The following PARN variants were observed in gnomAD, a reference collection of about 807,000 sequenced individuals.
PARN encodes the protein poly(A)-specific ribonuclease PARN.
PARN carries 71 observed loss-of-function variants against 102.8 expected under a neutral mutation model. That is an observed-to-expected ratio of 0.69 (90% confidence interval 0.57 to 0.84). The LOEUF (loss-of-function observed/expected upper bound fraction) is 0.84. Among genes scored for constraint, PARN ranks in the 40% least tolerant of loss-of-function variants. The probability of loss-of-function intolerance (pLI) is 0.00; values close to 1 mark genes in which losing one functional copy is unlikely to be tolerated. For synonymous variants in PARN, 261 were observed against 252.9 expected, an observed-to-expected ratio of 1.03 and a Z score of -0.30; for missense variants, 782 against 760.9, an observed-to-expected ratio of 1.03 and a Z score of -0.33.
intron 22 of PARN, among the ~76,000 whole-genome samples, chr16:14,461,608 TA>T (rs1277578109): frequency 6.6e-6 from 1 of 152,258 alleles, no homozygotes; most frequent in Non-Finnish European, 1.5e-5. Context: ...TTTATGCTGA[TA>T]AGTTGCCTTC....
intron 21 of PARN, among the ~76,000 whole-genome samples, chr16:14,531,361 C>CAA (rs113584468): frequency 3.4e-4 from 47 of 139,192 alleles, no homozygotes; most frequent in East Asian, 1.1e-3. Flanking sequence ...GACTCCATCT[C>CAA]AAAAAAAAAA....
chr16:14,626,565 A>G (rs1256507884), intron 5 of PARN, among the ~76,000 whole-genome samples: 2 of 151,902 alleles, frequency 1.3e-5, no homozygotes, highest in Non-Finnish European at 2.9e-5. Flanking sequence ...ACTAAACCTC[A>G]TGTTCTCATA....
chr16:14,610,081 A>G lies in PARN; in HGVS notation c.554+563T>C, dbSNP rs1045320757. Among the ~76,000 whole-genome samples, 6 of 152,192 alleles carry G rather than the reference A, an allele frequency of 3.9e-5. No homozygotes were observed. The East Asian group carries it at 1.2e-3, about 29-fold the overall frequency. ...ATAAAATAAAATAAAAAATCCACGC[A>G]GGTCTGACCACGTACTGAAATCTCT... On this transcript the variant is annotated intron_variant, in intron 7 of 23. Transcript: ENST00000437198.
intron 21 of PARN, among the ~76,000 whole-genome samples, chr16:14,546,443 A>G (rs981869356): frequency 4.6e-5 from 7 of 152,220 alleles, no homozygotes; most frequent in African/African-American, 1.7e-4. Context: ...TATTTTATTT[A>G]TAATTACTGG....
chr16:14,466,807 G>GTATA (rs200473883), intron 22 of PARN, among the ~76,000 whole-genome samples: 2 of 146,818 alleles, frequency 1.4e-5, no homozygotes, highest in Non-Finnish European at 3.0e-5. Context: ...TCTTAACCCT[G>GTATA]TATGTTTCTG....
At chr16:14,533,988 G>A (rs762813876) in intron 21 of PARN, among the ~76,000 whole-genome samples, 3 of 152,164 alleles carry the variant, frequency 2.0e-5, no homozygotes, top group Non-Finnish European at 4.4e-5. Flanking sequence ...TTGGGAGGCT[G>A]AGGCAGGCAA....
intron 13 of PARN, among the ~76,000 whole-genome samples, chr16:14,590,634 CA>C (rs966183881): frequency 0.085 from 5,420 of 63,534 alleles, 91 homozygotes; most frequent in African/African-American, 0.11. Flanking sequence ...GATTCAGTCT[CA>C]AAAAAAAAAA....
chr16:14,582,332 T>A, intron 16 of PARN, 41 bp from the exon 17 acceptor site: 2 of 1,311,442 alleles, frequency 1.5e-6, no homozygotes, highest in South Asian at 1.2e-5. Context: ...AAACAAAGAC[T>A]AGTAAGCACA....
At chr16:14,626,470 G>A (rs944490560) in intron 5 of PARN, among the ~76,000 whole-genome samples, 1 of 152,192 alleles carries the variant, frequency 6.6e-6, no homozygotes, top group Non-Finnish European at 1.5e-5. Context: ...AAGTCTTGAT[G>A]TGTAGGTGGT....
chr16:14,582,041 G>T, intron 17 of PARN, 140 bp downstream of exon 17: 1 of 670,714 alleles, frequency 1.5e-6, no homozygotes. Context: ...GGACTTTCCA[G>T]CCTCCTGAAC....
chr16:14,629,662 T>C lies in PARN; in HGVS notation c.32A>G (p.Asn11Ser), dbSNP rs754141670. The change falls in exon 2 of 24, where the codon AAT becomes AGT. Residue 11 changes from asparagine to serine, a missense_variant. By Grantham distance (46) the Asn-to-Ser change is conservative. Transcript: ENST00000437198. ...TATGGCCTGGTACACTTTGTGAAGA[T>C]TACTCTTAAAATCTGCGGAGAAACC... is the stretch of plus-strand genomic sequence containing the variant. MEIIRSNFKSNLHKVYQAIEE... is the reference protein window; with the variant it reads MEIIRSNFKSSLHKVYQAIEE... The C allele has an allele frequency of 7.4e-6, 12 of 1,612,536 alleles. No individual in the cohort carries two copies. The Admixed American group carries it at 8.3e-5, about 11-fold the overall frequency.
intron 22 of PARN, among the ~76,000 whole-genome samples, chr16:14,453,597 A>T (rs1961559429): frequency 6.6e-6 from 1 of 152,222 alleles, no homozygotes; most frequent in South Asian, 2.1e-4. Context: ...GTCACTCTGC[A>T]CTCAATCCAC....
rs1446397041 is a variant in PARN at position 14,617,594 on chromosome 16, T to A, written c.384A>T (p.Arg128=). The A allele has an allele frequency of 6.6e-7, 1 of 1,521,602 alleles. No homozygotes were observed. The highest frequency in any genetic ancestry group is 2.2e-5 in the East Asian group (1 of 44,472). The allele number at this position is 1,521,602 out of a possible 1,614,324, so 94.3% of individuals were successfully genotyped here. A position where few individuals can be genotyped will look rare whatever the true frequency, so the allele number is the denominator to read the frequency against. The part of the protein sequence containing the change: ...SQGFDFNKVF[R]NGIPYLNQEE... ...ATAGGTTACCCATAATCTTACCATT[T>A]CGAAAAACTTTATTAAAATCAAATC... Residue 128 remains arginine, a synonymous_variant, in exon 6 of 24, where the codon CGA becomes CGT. Transcript: ENST00000437198.
At chr16:14,562,667 TACTC>T (rs1432389775) in intron 18 of PARN, among the ~76,000 whole-genome samples, 3 of 151,392 alleles carry the variant, frequency 2.0e-5, no homozygotes, top group East Asian at 1.9e-4. Flanking sequence ...AAAAAAAAAT[TACTC>T]AAACTACTCT....
chr16:14,566,607 C>G (rs1357727208), intron 18 of PARN, among the ~76,000 whole-genome samples: 2 of 152,122 alleles, frequency 1.3e-5, no homozygotes, highest in East Asian at 1.9e-4. Flanking sequence ...ATCCAATACC[C>G]TACAGAACAC....
chr16:14,475,746 AT>A (rs1963008333), intron 22 of PARN, among the ~76,000 whole-genome samples: 1 of 152,218 alleles, frequency 6.6e-6, no homozygotes, highest in South Asian at 2.1e-4. Context: ...CCTCTCGACC[AT>A]AGTGCCGCCC....
chr16:14,454,681 G>T (rs1961603639), intron 22 of PARN, among the ~76,000 whole-genome samples: 1 of 152,188 alleles, frequency 6.6e-6, no homozygotes, highest in South Asian at 2.1e-4. Flanking sequence ...TCGCCTACTG[G>T]ATTACCAGCA....
At chr16:14,590,918 C>T (rs1300489857) in intron 13 of PARN, among the ~76,000 whole-genome samples, 1 of 152,122 alleles carries the variant, frequency 6.6e-6, no homozygotes, top group Non-Finnish European at 1.5e-5. Flanking sequence ...TGAGACTGAA[C>T]TCTCAAGCAG....
At chr16:14,629,798 A>C (rs548616046) in intron 1 of PARN, 124 bp from the exon 2 acceptor site, 2 of 771,644 alleles carry the variant, frequency 2.6e-6, no homozygotes, top group Admixed American at 2.1e-5. Context: ...GGAGGTGTGC[A>C]CCGGGGCGAG....
Sources: allele counts gnomAD v4.1 joint callset (sites outside exome capture counted in the v4.1 genomes callset), GRCh38; gene constraint gnomAD v4.1.1; transcripts MANE v1.5; gene names NCBI Gene and HGNC (gene_info 2026-07-23, HGNC 2026-07-21).